Variants in CCDC171 observed in about 807,000 individuals in gnomAD.
CCDC171 encodes the protein coiled-coil domain-containing protein 171.
Under a neutral mutation model 168.2 loss-of-function variants are expected in CCDC171, and 177 were observed. The observed-to-expected ratio is 1.05, with a 90% CI of 0.93 to 1.19. The LOEUF (loss-of-function observed/expected upper bound fraction) is 1.19. Among genes scored for constraint, CCDC171 ranks in the 50% most tolerant of loss-of-function variants. CCDC171 has a pLI of 0.00. For missense variants in CCDC171, 1,991 were observed against 1,539.0 expected (o/e 1.29, Z -4.91); for synonymous variants, 687 against 540.8 (o/e 1.27, Z -3.75).
At chr9:15,969,771 T>G in intron 25 of CCDC171, among the ~76,000 whole-genome samples, 1 of 152,160 alleles carries the variant, frequency 6.6e-6, no homozygotes, top group East Asian at 1.9e-4. Context: ...GAATGAGAAG[T>G]TAGTAGATGG....
chr9:15,932,134 C>T (rs80186186), intron 25 of CCDC171, among the ~76,000 whole-genome samples: 51 of 151,684 alleles, frequency 3.4e-4, no homozygotes, highest in African/African-American at 1.1e-3. Flanking sequence ...CTTTTTTTTC[C>T]ATTTCTGTGA....
At chr9:16,100,969 G>GC in the CCDC171 span, among the ~76,000 whole-genome samples, 3,650 of 152,284 alleles carry the variant, frequency 0.024, 126 homozygotes, top group African/African-American at 0.077. Flanking sequence ...GACCTCTGTG[G>GC]CCTGTTGCTG....
rs59269547 is a variant in CCDC171, at chr9:16,020,253, C to T, written n.369-336C>T. ...AGGCTATGTGTATAATGTATGTATG[C>T]AACACTAACGAATTTCATGTTTATA... is the stretch of plus-strand genomic sequence containing the variant. On this transcript the variant is annotated intron_variant and non_coding_transcript_variant, in intron 3 of 9. Coordinates refer to the CCDC171 transcript ENST00000486641. Among the ~76,000 whole-genome samples the T allele has an allele frequency of 3.0e-3, 451 of 152,234 alleles. 2 individuals are homozygous for T. Among genetic ancestry groups the T allele is most frequent in the African/African-American group, 0.01 (429 of 41,526 alleles).
At chr9:15,739,576 A>G (rs1049186744) in intron 16 of CCDC171, among the ~76,000 whole-genome samples, 6 of 152,188 alleles carry the variant, frequency 3.9e-5, no homozygotes, top group Admixed American at 3.9e-4. Context: ...AAAAAAATAT[A>G]TGTAAAGCAT....
intron 7 of CCDC171, among the ~76,000 whole-genome samples, chr9:15,638,278 C>G (rs1168423080): frequency 2.0e-5 from 3 of 152,020 alleles, no homozygotes; most frequent in African/African-American, 7.2e-5. Flanking sequence ...TATTATATAT[C>G]ATGTGTTGTA....
chr9:15,648,701 G>A (rs2047247303), intron 7 of CCDC171, among the ~76,000 whole-genome samples: 1 of 152,128 alleles, frequency 6.6e-6, no homozygotes, highest in South Asian at 2.1e-4. Flanking sequence ...GGATGTGAAA[G>A]ACTTCTTCAA....
At chr9:15,710,564 G>C (rs2052585619) in intron 11 of CCDC171, among the ~76,000 whole-genome samples, 1 of 151,826 alleles carries the variant, frequency 6.6e-6, no homozygotes, top group Non-Finnish European at 1.5e-5. Context: ...ACCTCCCAAA[G>C]TGCTGGGATT....
Position 15,675,538 on chromosome 9 carries a change from T to G in CCDC171, c.1077-3220T>G, listed in dbSNP as rs1173447241. ...GTTGTTCCTTTCCATGTTTAGTGCTTTCTTCAGGAGCTCTTGTAAGGCAGG... is the reference window on the plus strand; with the variant it reads ...GTTGTTCCTTTCCATGTTTAGTGCTGTCTTCAGGAGCTCTTGTAAGGCAGG... On this transcript the variant is annotated intron_variant, in intron 9 of 25. Transcript: ENST00000380701. Among the ~76,000 whole-genome samples the G allele has an allele frequency of 3.3e-5, 5 of 152,302 alleles. No homozygotes were observed. The East Asian group carries it at 9.6e-4, about 29-fold the overall frequency.
chr9:15,903,162 C>G (rs1467896158), intron 24 of CCDC171, among the ~76,000 whole-genome samples: 1 of 152,220 alleles, frequency 6.6e-6, no homozygotes, highest in Non-Finnish European at 1.5e-5. Context: ...ATGTCCCTGT[C>G]TGACAGCTTT....
chr9:15,675,187 G>GTTTTTTTTTTTT lies in CCDC171; in HGVS notation c.1077-3561_1077-3550dup, dbSNP rs138989790. Among the ~76,000 whole-genome samples the GTTTTTTTTTTTT allele has an allele frequency of 6.5e-4, 49 of 75,530 alleles. 2 individuals carry two copies. Among genetic ancestry groups the GTTTTTTTTTTTT allele is most frequent in the Admixed American group, 1.0e-3 (5 of 4,988 alleles). The allele number at this position is 75,530 out of a possible 152,430, so 49.6% of individuals were successfully genotyped here. ...ATCAGAGACTAGGATTGCAACTCCT[G>GTTTTTTTTTTTT]TTTTTTTTTTTTTTTTTTTTTGCTT... is the stretch of plus-strand genomic sequence containing the variant. On this transcript the variant is annotated intron_variant, in intron 9 of 25. Coordinates refer to ENST00000380701, the MANE Select transcript of CCDC171 (RefSeq NM_173550.4).
chr9:15,975,664 C>T (rs1256437090), downstream of CCDC171, among the ~76,000 whole-genome samples: 1 of 152,132 alleles, frequency 6.6e-6, no homozygotes, highest in Admixed American at 6.5e-5. Flanking sequence ...CATGCTATTA[C>T]TTCCCAATGG....
At chr9:15,896,378 T>C (rs1372806825) in intron 24 of CCDC171, among the ~76,000 whole-genome samples, 1 of 152,082 alleles carries the variant, frequency 6.6e-6, no homozygotes, top group Non-Finnish European at 1.5e-5. Flanking sequence ...CCCATGAGAC[T>C]CCTTCTCATA....
intron 7 of CCDC171, among the ~76,000 whole-genome samples, chr9:15,636,763 A>C (rs912522524): frequency 6.6e-6 from 1 of 151,800 alleles, no homozygotes; most frequent in Non-Finnish European, 1.5e-5. Context: ...AAAAAAAAAA[A>C]AAAAAAAAGG....
At chr9:15,650,703 A>G (rs1481621954) in intron 7 of CCDC171, among the ~76,000 whole-genome samples, 2 of 151,946 alleles carry the variant, frequency 1.3e-5, no homozygotes, top group African/African-American at 4.8e-5. Context: ...TTTGATACAC[A>G]TGTTTTTTGT....
intron 24 of CCDC171, chr9:15,887,992 C>T (rs1041349250): frequency 2.6e-5 from 4 of 152,192 alleles, no homozygotes; most frequent in Admixed American, 1.3e-4. Flanking sequence ...GCCCTGGAAG[C>T]ATATTCCCTC....
intron 7 of CCDC171, among the ~76,000 whole-genome samples, chr9:15,632,977 A>G (rs2045864328): frequency 6.6e-6 from 1 of 152,248 alleles, no homozygotes; most frequent in Non-Finnish European, 1.5e-5. Context: ...ATATGTAGAA[A>G]GCTGAAACTG....
intron 7 of CCDC171, among the ~76,000 whole-genome samples, chr9:15,630,666 C>G (rs2045601958): frequency 2.0e-5 from 3 of 152,132 alleles, no homozygotes. Context: ...CAGCTCTGCA[C>G]CAAGCAGACC....
chr9:16,005,040 A>G (rs912357435), intron 3 of CCDC171, among the ~76,000 whole-genome samples: 3 of 152,204 alleles, frequency 2.0e-5, no homozygotes, highest in African/African-American at 7.2e-5. Flanking sequence ...GTAACATATA[A>G]TTCACCCATT....
chr9:15,947,307 A>G (rs780586356), intron 25 of CCDC171, among the ~76,000 whole-genome samples: 3 of 151,984 alleles, frequency 2.0e-5, no homozygotes, highest in Non-Finnish European at 4.4e-5. Context: ...ATCACTAAAT[A>G]CACTTTTAAA....
Sources: allele counts gnomAD v4.1 joint callset (sites outside exome capture counted in the v4.1 genomes callset), GRCh38; gene constraint gnomAD v4.1.1; transcripts MANE v1.5; gene names NCBI Gene and HGNC (gene_info 2026-07-23, HGNC 2026-07-21).